PATJ: variants seen among roughly 807,000 people sequenced by gnomAD.
PATJ encodes PATJ crumbs cell polarity complex component.
Under a neutral mutation model 224.9 loss-of-function variants are expected in PATJ, and 190 were observed. The ratio of observed to expected loss-of-function variants is 0.84; its 90% CI spans 0.75 to 0.95. The LOEUF is 0.95. Ranked by LOEUF, PATJ falls within the 40% of genes least tolerant of loss-of-function variation. PATJ has a pLI of 0.00. For synonymous variants in PATJ, 769 were observed against 820.3 expected, an observed-to-expected ratio of 0.94 and a Z score of 1.07; for missense variants, 2,121 against 2,270.3, an observed-to-expected ratio of 0.93 and a Z score of 1.34.
chr1:61,764,297 T>C (rs1014085437), intron 3 of PATJ, among the ~76,000 whole-genome samples: 1 of 152,192 alleles, frequency 6.6e-6, no homozygotes, highest in African/African-American at 2.4e-5. Context: ...TATTTAAATA[T>C]ATAGTTATGT....
intron 26 of PATJ, chr1:61,918,037 G>GTCT (rs1673696820): frequency 6.7e-6 from 1 of 149,746 alleles, no homozygotes; most frequent in African/African-American, 2.5e-5. Context: ...GGACGACAGA[G>GTCT]CGAGACTCTG....
intron 17 of PATJ, among the ~76,000 whole-genome samples, chr1:61,837,731 G>A (rs1014222372): frequency 7.9e-5 from 12 of 151,024 alleles, no homozygotes; most frequent in East Asian, 1.9e-4. Context: ...CGGAGGTTAC[G>A]GTGAGCTGAG....
chr1:61,743,997 C>A (rs1488742023), intron 1 of PATJ, among the ~76,000 whole-genome samples: 4 of 152,028 alleles, frequency 2.6e-5, no homozygotes, highest in Non-Finnish European at 5.9e-5. Flanking sequence ...GTTGAAGATG[C>A]CATTACTGGG....
chr1:61,912,760 G>A (rs188942636), intron 25 of PATJ, among the ~76,000 whole-genome samples: 15 of 152,000 alleles, frequency 9.9e-5, no homozygotes, highest in African/African-American at 3.4e-4. Flanking sequence ...GTGAGTGGCA[G>A]CTGACATTCT....
chr1:61,929,893 G>A (rs1675767991), intron 27 of PATJ, among the ~76,000 whole-genome samples: 1 of 152,186 alleles, frequency 6.6e-6, no homozygotes, highest in South Asian at 2.1e-4. Context: ...GTGATTTGGG[G>A]TTCTCTTTTA....
intron 1 of PATJ, among the ~76,000 whole-genome samples, chr1:61,746,001 G>A (rs530184930): frequency 6.6e-6 from 1 of 151,934 alleles, no homozygotes; most frequent in Non-Finnish European, 1.5e-5. Context: ...GCAGTGCCGC[G>A]ATCTCCACCC....
intron 33 of PATJ, among the ~76,000 whole-genome samples, chr1:62,089,719 C>G (rs1051700272): frequency 5.3e-5 from 8 of 151,808 alleles, no homozygotes; most frequent in Non-Finnish European, 1.0e-4. Flanking sequence ...TGCAACCTAA[C>G]TGATACCATA....
Position 62,161,176 on chromosome 1 carries a change from C to T in PATJ, c.*122C>T. 1.4e-6 allele frequency: 1 copy of T among 724,006 alleles called. No homozygotes were observed. Among genetic ancestry groups the T allele is most frequent in the Non-Finnish European group, 2.0e-6 (1 of 502,130 alleles). The allele number at this position is 724,006 out of a possible 1,614,324, so 44.8% of individuals were successfully genotyped here. Reference sequence around the variant, plus strand: ...CACCTTCATTCTTATTTCTTGCCCTCTCTGCTCAGGAGAAATGGCTGAGGT... The same window carrying T: ...CACCTTCATTCTTATTTCTTGCCCTTTCTGCTCAGGAGAAATGGCTGAGGT... On this transcript the variant is annotated 3_prime_UTR_variant, in exon 44 of 44. Transcript: ENST00000642238.
chr1:61,750,740 CA>C (rs1332725573), intron 1 of PATJ, among the ~76,000 whole-genome samples: 1 of 151,810 alleles, frequency 6.6e-6, no homozygotes, highest in Non-Finnish European at 1.5e-5. Flanking sequence ...ACGCCCGACC[CA>C]TTTTTCGGCG....
At chr1:62,065,306 T>G (rs905867940) in intron 31 of PATJ, among the ~76,000 whole-genome samples, 1 of 152,078 alleles carries the variant, frequency 6.6e-6, no homozygotes, top group Admixed American at 6.6e-5. Context: ...GGCACACAAT[T>G]TTGACACAAA....
At chr1:61,818,152 C>T (rs905079815) in intron 14 of PATJ, among the ~76,000 whole-genome samples, 9 of 152,302 alleles carry the variant, frequency 5.9e-5, no homozygotes, top group East Asian at 1.9e-4. Flanking sequence ...TGATAGGTCT[C>T]GCCACTTGTG....
intron 4 of PATJ, among the ~76,000 whole-genome samples, chr1:61,767,977 A>G (rs1215505452): frequency 6.6e-6 from 1 of 151,658 alleles, no homozygotes; most frequent in Non-Finnish European, 1.5e-5. Context: ...GGCCAGTTCT[A>G]TCTCTTTCAT....
chr1:62,044,428 C>T (rs1004739557), intron 30 of PATJ, among the ~76,000 whole-genome samples: 1 of 152,144 alleles, frequency 6.6e-6, no homozygotes, highest in African/African-American at 2.4e-5. Context: ...AGGCTGTACT[C>T]CAGAAAGATT....
At chr1:61,874,969 G>T (rs1242410448) in intron 20 of PATJ, among the ~76,000 whole-genome samples, 1 of 152,104 alleles carries the variant, frequency 6.6e-6, no homozygotes, top group Non-Finnish European at 1.5e-5. Flanking sequence ...CTCTACCTTG[G>T]TAAATGTTTA....
chr1:61,746,571 C>A (rs1018410079), intron 1 of PATJ, among the ~76,000 whole-genome samples: 1 of 152,120 alleles, frequency 6.6e-6, no homozygotes, highest in African/African-American at 2.4e-5. Flanking sequence ...AGTTATAAAC[C>A]AGGAATCATG....
rs576600105 is a variant in PATJ at position 62,136,503 on chromosome 1, T to G, written c.5271+7558T>G. On this transcript the variant is annotated intron_variant, in intron 41 of 43. Transcript: ENST00000642238. ...TGTGTGTGTGTGTGTGTGTGTGTGT[T>G]TTTCTGTAATGTGTCCCCATCTTAA... is the stretch of plus-strand genomic sequence containing the variant. Among the ~76,000 whole-genome samples the G allele has an allele frequency of 1.7e-3, 207 of 123,404 alleles. 1 individual carries two copies. Among genetic ancestry groups the G allele is most frequent in the Non-Finnish European group, 2.6e-3 (153 of 59,542 alleles). 81.0% of individuals were successfully genotyped at this position (123,404 alleles called of 152,430 possible). A position where few individuals can be genotyped will look rare whatever the true frequency, so the allele number is the denominator to read the frequency against.
intron 1 of PATJ, among the ~76,000 whole-genome samples, chr1:61,761,485 T>C (rs1645969558): frequency 6.6e-6 from 1 of 152,030 alleles, no homozygotes; most frequent in Non-Finnish European, 1.5e-5. Context: ...TTAATATAAG[T>C]TTTATGTGAC....
chr1:61,810,809 A>G (rs1557684947), intron 14 of PATJ, among the ~76,000 whole-genome samples: 2 of 152,216 alleles, frequency 1.3e-5, no homozygotes, highest in Non-Finnish European at 2.9e-5. Flanking sequence ...CTGTAATCCT[A>G]GCTAGTCAGG....
In PATJ at chr1:61,861,548, C is replaced by T; in HGVS notation, c.2323-3C>T. The T allele has an allele frequency of 1.7e-6, 2 of 1,203,612 alleles. No homozygotes were observed. The highest frequency in any genetic ancestry group is 2.3e-6 in the Non-Finnish European group (2 of 858,490). The allele number at this position is 1,203,612 out of a possible 1,614,324, so 74.6% of individuals were successfully genotyped here. ...TATAAATAAAAGTGGTTTATATTTT[C>T]AGGAAGATAATGAAGAAGAAAGTTG... On this transcript the variant is annotated splice_region_variant and splice_polypyrimidine_tract_variant and intron_variant, in intron 18 of 43. Coordinates refer to ENST00000642238, the MANE Select transcript of PATJ (RefSeq NM_001350145.3).
Sources: allele counts gnomAD v4.1 joint callset (sites outside exome capture counted in the v4.1 genomes callset), GRCh38; gene constraint gnomAD v4.1.1; transcripts MANE v1.5; gene names NCBI Gene and HGNC (gene_info 2026-07-23, HGNC 2026-07-21).